Variants in SPOCK1 observed in about 807,000 individuals in gnomAD.
The protein encoded by SPOCK1 is SPARC (osteonectin), cwcv and kazal like domains proteoglycan 1, also known as testican-1.
A neutral mutation model predicts 55.3 loss-of-function variants in SPOCK1; 23 were observed. That is an observed-to-expected ratio of 0.42 (90% CI 0.30 to 0.59). The LOEUF (loss-of-function observed/expected upper bound fraction) is 0.59. Ranked by LOEUF, SPOCK1 falls within the 20% of genes least tolerant of loss-of-function variation. SPOCK1 has a pLI of 0.22. For synonymous variants in SPOCK1, 226 were observed against 221.0 expected (o/e 1.02, Z -0.20); for missense variants, 499 against 552.5 (o/e 0.90, Z 0.97).
chr5:137,395,219 T>G (rs761315911), intron 2 of SPOCK1, among the ~76,000 whole-genome samples: 1 of 152,226 alleles, frequency 6.6e-6, no homozygotes, highest in African/African-American at 2.4e-5. Context: ...CACAATGTTT[T>G]GTAAGGGTAA....
chr5:137,194,559 T>A (rs1370622149), intron 3 of SPOCK1, among the ~76,000 whole-genome samples: 1 of 152,144 alleles, frequency 6.6e-6, no homozygotes, highest in Non-Finnish European at 1.5e-5. Flanking sequence ...TGCCACGCTA[T>A]GCTGGGCAGA....
intron 2 of SPOCK1, among the ~76,000 whole-genome samples, chr5:137,286,400 G>A (rs748954524): frequency 2.0e-5 from 3 of 152,192 alleles, no homozygotes; most frequent in Non-Finnish European, 4.4e-5. Context: ...GGCTGCCATG[G>A]ATGGTTGTAT....
intron 6 of SPOCK1, among the ~76,000 whole-genome samples, chr5:137,017,507 A>G (rs1206710695): frequency 2.6e-5 from 4 of 152,240 alleles, no homozygotes; most frequent in African/African-American, 7.2e-5. Context: ...TCTAATAATT[A>G]AAAACTATAA....
At chr5:137,391,953 C>T (rs747071329) in intron 2 of SPOCK1, among the ~76,000 whole-genome samples, 6 of 152,134 alleles carry the variant, frequency 3.9e-5, no homozygotes, top group Non-Finnish European at 8.8e-5. Context: ...CCTTCTATTG[C>T]CACAGCTCCC....
chr5:137,351,654 A>T (rs184033579), intron 2 of SPOCK1, among the ~76,000 whole-genome samples: 3 of 152,348 alleles, frequency 2.0e-5, no homozygotes, highest in Admixed American at 2.0e-4. Context: ...TTTGTAGCCA[A>T]GATAGTTGTA....
chr5:137,287,993 C>T (rs56880814), intron 2 of SPOCK1, among the ~76,000 whole-genome samples: 1 of 152,152 alleles, frequency 6.6e-6, no homozygotes. Context: ...TAAGAAAAGA[C>T]CCTCTGGTTA....
intron 2 of SPOCK1, among the ~76,000 whole-genome samples, chr5:137,332,432 C>T (rs1042856051): frequency 1.3e-5 from 2 of 152,138 alleles, no homozygotes; most frequent in Non-Finnish European, 2.9e-5. Flanking sequence ...GCGCTCTGCA[C>T]CCAGCCCCCA....
At chr5:136,995,393 A>C (rs1242471994) in intron 6 of SPOCK1, among the ~76,000 whole-genome samples, 1 of 152,202 alleles carries the variant, frequency 6.6e-6, no homozygotes, top group Admixed American at 6.5e-5. Context: ...GCCAAGGCAG[A>C]TCCTCAGGAG....
intron 2 of SPOCK1, among the ~76,000 whole-genome samples, chr5:137,402,722 T>C (rs1331131485): frequency 6.6e-6 from 1 of 152,148 alleles, no homozygotes; most frequent in African/African-American, 2.4e-5. Context: ...GAGGGGAAAA[T>C]ATCTGAACCC....
intron 5 of SPOCK1, among the ~76,000 whole-genome samples, chr5:137,083,470 A>G (rs2127015185): frequency 6.6e-6 from 1 of 152,254 alleles, no homozygotes; most frequent in Middle Eastern, 3.4e-3. Flanking sequence ...TGCCTCCCTC[A>G]ATGGGCAGCG....
At chr5:137,185,733 G>C (rs1755056341) in intron 3 of SPOCK1, among the ~76,000 whole-genome samples, 1 of 152,130 alleles carries the variant, frequency 6.6e-6, no homozygotes, top group Admixed American at 6.5e-5. Flanking sequence ...GTCTCACCAA[G>C]GGGCAGAAAA....
intron 2 of SPOCK1, among the ~76,000 whole-genome samples, chr5:137,332,245 C>T (rs983928002): frequency 2.0e-5 from 3 of 152,140 alleles, no homozygotes; most frequent in Admixed American, 6.6e-5. Flanking sequence ...AAGACTGTGC[C>T]CCTCCCTTTG....
At chr5:137,477,508 A>G (rs1216763266) in intron 2 of SPOCK1, among the ~76,000 whole-genome samples, 6 of 152,198 alleles carry the variant, frequency 3.9e-5, no homozygotes, top group Non-Finnish European at 7.3e-5. Context: ...CAGTTTGGGT[A>G]TAGCCAACTT....
chr5:137,452,589 G>A lies in SPOCK1; in HGVS notation c.186+45784C>T, dbSNP rs114939255. Reference sequence around the variant, plus strand: ...ACATCCTAAAAATTGAGATTGTAATGTGCATAGGTGACATGTCTCATCTAA... The same window carrying A: ...ACATCCTAAAAATTGAGATTGTAATATGCATAGGTGACATGTCTCATCTAA... On this transcript the variant is annotated intron_variant, in intron 2 of 10. Transcript: ENST00000394945. Among the ~76,000 whole-genome samples, 583 of 152,312 alleles carry A rather than the reference G, an allele frequency of 3.8e-3. 4 individuals are homozygous for A. Among genetic ancestry groups the A allele is most frequent in the African/African-American group, 0.013 (550 of 41,566 alleles).
chr5:137,144,457 C>T (rs1754156623), intron 3 of SPOCK1, among the ~76,000 whole-genome samples: 1 of 152,192 alleles, frequency 6.6e-6, no homozygotes, highest in South Asian at 2.1e-4. Context: ...CTGAATACTT[C>T]AAACATGTAT....
At chr5:137,373,641 C>T (rs1311721974) in intron 2 of SPOCK1, among the ~76,000 whole-genome samples, 2 of 152,234 alleles carry the variant, frequency 1.3e-5, no homozygotes, top group Non-Finnish European at 2.9e-5. Flanking sequence ...GCAGGTGGCA[C>T]ATCCCATGTG....
In SPOCK1 at chr5:137,401,558, CAAAAAAAAAA is replaced by C. The variant is rs34044799; in HGVS notation, c.186+96805_186+96814del. ...GCAATATAGCAAGACCTCATCTCTA[CAAAAAAAAAA>C]AAAAAAAAAAATGTAAGTTTAAAAA... On this transcript the variant is annotated intron_variant, in intron 2 of 10. Coordinates refer to ENST00000394945, the MANE Select transcript of SPOCK1 (RefSeq NM_004598.4). Among the ~76,000 whole-genome samples, 518 of 100,450 alleles carry C rather than the reference CAAAAAAAAAA, an allele frequency of 5.2e-3. 3 individuals are homozygous for C. The highest frequency in any genetic ancestry group is 0.019 in the African/African-American group (492 of 26,538). 65.9% of individuals were successfully genotyped at this position (100,450 alleles called of 152,430 possible). A position where few individuals can be genotyped will look rare whatever the true frequency, so the allele number is the denominator to read the frequency against.
chr5:137,311,929 T>C (rs1670264805), intron 2 of SPOCK1, among the ~76,000 whole-genome samples: 1 of 152,230 alleles, frequency 6.6e-6, no homozygotes, highest in Admixed American at 6.5e-5. Flanking sequence ...AGCATCGCAG[T>C]GTATGCCTGT....
At chr5:137,466,047 T>A (rs1753614243) in intron 2 of SPOCK1, among the ~76,000 whole-genome samples, 1 of 152,268 alleles carries the variant, frequency 6.6e-6, no homozygotes, top group Non-Finnish European at 1.5e-5. Flanking sequence ...ACTTTATTAC[T>A]GGTTTAAATA....
Sources: allele counts gnomAD v4.1 joint callset (sites outside exome capture counted in the v4.1 genomes callset), GRCh38; gene constraint gnomAD v4.1.1; transcripts MANE v1.5; gene names NCBI Gene and HGNC (gene_info 2026-07-23, HGNC 2026-07-21).